The following SENP1 variants were observed in gnomAD, a reference collection of about 807,000 sequenced individuals.
SENP1 encodes the protein sentrin-specific protease 1.
Under a neutral mutation model 93.0 loss-of-function variants are expected in SENP1, and 21 were observed. The ratio of observed to expected loss-of-function variants is 0.23; its 90% CI spans 0.16 to 0.33. The LOEUF is 0.33. SENP1 is among the 10% of genes least tolerant of loss of function. The pLI is 1.00. For missense variants in SENP1, 591 were observed against 758.7 expected, an observed-to-expected ratio of 0.78 and a Z score of 2.60; for synonymous variants, 256 against 259.6, an observed-to-expected ratio of 0.99 and a Z score of 0.13.
At chr12:48,046,942 C>T (rs372156097) in intron 16 of SENP1, 36 bp downstream of exon 16, 6 of 1,423,052 alleles carry the variant, frequency 4.2e-6, no homozygotes, top group South Asian at 2.3e-5. Context: ...AAATACCCTA[C>T]TTTTAGGACT....
chr12:48,049,114 T>G lies in SENP1; in HGVS notation c.1426A>C (p.Asn476His). ...LNDEIINFYM[N>H]MLMERSKEKG... The stretch of plus-strand genomic sequence containing the variant: ...TCTTTACTTCGCTCCATCAGCATAT[T>G]CATGTAGAAATTGATGATCTGTGGG... Residue 476 changes from asparagine to histidine, a missense_variant, in exon 14 of 18, where the codon AAT becomes CAT. Asn to His is a moderately conservative substitution (Grantham distance 68, BLOSUM62 1). Transcript: ENST00000549518. The G allele has an allele frequency of 6.2e-7, 1 of 1,613,436 alleles. No homozygotes were observed. The highest frequency in any genetic ancestry group is 8.5e-7 in the Non-Finnish European group (1 of 1,179,446).
Position 48,044,625 on chromosome 12 carries a change from C to T in SENP1, c.*697G>A, listed in dbSNP as rs10747528. 0.99 allele frequency: 151,394 copies of T among 152,174 alleles called. 75,313 individuals carry two copies. Among genetic ancestry groups the T allele is most frequent in the Middle Eastern group, 1 (294 of 294 alleles). 9.4% of individuals were successfully genotyped at this position (152,174 alleles called of 1,614,324 possible). On this transcript the variant is annotated 3_prime_UTR_variant, in exon 18 of 18. Transcript: ENST00000549518. ...GGTAGCACATGCAAACCCCTGCTTT[C>T]ACGGAAAGGACTGCTTGGAACTTTG...
chr12:48,071,998 G>A (rs954485343), intron 8 of SENP1, among the ~76,000 whole-genome samples: 7 of 152,142 alleles, frequency 4.6e-5, no homozygotes, highest in African/African-American at 1.4e-4. Flanking sequence ...CTTGCTCCCT[G>A]TGCTTCCTGT....
chr12:48,083,451 A>G (rs1345154520), intron 6 of SENP1, 140 bp downstream of exon 6: 2 of 709,740 alleles, frequency 2.8e-6, no homozygotes, highest in Non-Finnish European at 4.8e-6. Flanking sequence ...TAACACTCAA[A>G]AAGAGTAATT....
At chr12:48,071,746 T>G (rs189069675) in intron 8 of SENP1, 25 bp from the exon 9 acceptor site, 14 of 1,528,324 alleles carry the variant, frequency 9.2e-6, no homozygotes, top group African/African-American at 1.4e-5. Context: ...GAGCATTTCA[T>G]TAGTAATAAA....
intron 6 of SENP1, among the ~76,000 whole-genome samples, chr12:48,082,762 A>T (rs1416368274): frequency 6.6e-6 from 1 of 152,196 alleles, no homozygotes; most frequent in Non-Finnish European, 1.5e-5. Flanking sequence ...TCAACAGAAC[A>T]TCTTTCTTTT....
intron 2 of SENP1, among the ~76,000 whole-genome samples, chr12:48,100,221 G>A (rs1233362981): frequency 2.0e-5 from 3 of 152,150 alleles, no homozygotes; most frequent in African/African-American, 7.2e-5. Flanking sequence ...TACTACAAAT[G>A]AAATAGTGAA....
intron 5 of SENP1, chr12:48,084,925 C>A: frequency 3.9e-6 from 2 of 506,918 alleles, no homozygotes; most frequent in Non-Finnish European, 7.0e-6. Flanking sequence ...TGGTCTGAAT[C>A]CAAATCAGAC....
intron 2 of SENP1, among the ~76,000 whole-genome samples, chr12:48,100,594 C>T (rs143173576): frequency 0.059 from 8,935 of 151,528 alleles, 353 homozygotes; most frequent in Non-Finnish European, 0.093. Flanking sequence ...GAGATCATAC[C>T]ACTACACTCC....
chr12:48,091,215 G>T (rs1016680877), intron 4 of SENP1, among the ~76,000 whole-genome samples: 2 of 152,154 alleles, frequency 1.3e-5, no homozygotes, highest in East Asian at 3.9e-4. Flanking sequence ...TTTGGGAGGC[G>T]GAGGCAGGTG....
At chr12:48,070,974 T>TGG (rs1301041915) in intron 9 of SENP1, among the ~76,000 whole-genome samples, 1 of 152,092 alleles carries the variant, frequency 6.6e-6, no homozygotes, top group African/African-American at 2.4e-5. Context: ...CATGCATATG[T>TGG]GGTCCCAGCT....
chr12:48,077,327 CA>C (rs969629684), intron 6 of SENP1, among the ~76,000 whole-genome samples: 4 of 152,050 alleles, frequency 2.6e-5, no homozygotes, highest in Admixed American at 6.5e-5. Flanking sequence ...CGTGCAAATC[CA>C]AAAAAATCAG....
Position 48,045,261 on chromosome 12 carries a change from G to C in SENP1, c.*61C>G. On this transcript the variant is annotated 3_prime_UTR_variant, in exon 18 of 18. Transcript: ENST00000549518. ...GGGAGCAGCTGTTTCCAAGGTCTCT[G>C]GCTGTAGACAACAAAGAGCTGGTCC... 1 of 1,417,370 alleles carries C rather than the reference G, an allele frequency of 7.1e-7. No individual in the cohort carries two copies. The highest frequency in any genetic ancestry group is 1.0e-6 in the Non-Finnish European group (1 of 1,004,378). 87.8% of individuals were successfully genotyped at this position (1,417,370 alleles called of 1,614,324 possible). A position where few individuals can be genotyped will look rare whatever the true frequency, so the allele number is the denominator to read the frequency against.
chr12:48,073,232 T>G lies in SENP1; in HGVS notation c.940+1092A>C, dbSNP rs562320742. Among the ~76,000 whole-genome samples the G allele has an allele frequency of 5.3e-5, 8 of 152,162 alleles. No individual in the cohort carries two copies. In the South Asian group the frequency reaches 1.7e-3, roughly 32 times the overall value. ...GTTTCAACTTAGTTGTATCTAAGTATCTGCAACACAATGTATGTTTCTGAG... is the reference window on the plus strand; with the variant it reads ...GTTTCAACTTAGTTGTATCTAAGTAGCTGCAACACAATGTATGTTTCTGAG... On this transcript the variant is annotated intron_variant, in intron 8 of 17. Coordinates refer to ENST00000549518, the MANE Select transcript of SENP1 (RefSeq NM_001267594.2).
chr12:48,067,265 G>A (rs1402979815), intron 9 of SENP1, among the ~76,000 whole-genome samples: 1 of 152,164 alleles, frequency 6.6e-6, no homozygotes, highest in African/African-American at 2.4e-5. Context: ...CCAACATTAC[G>A]TGAAAGAGGA....
Position 48,098,062 on chromosome 12 carries a change from C to T in SENP1, c.67G>A (p.Val23Ile), listed in dbSNP as rs770912224. 2.9e-5 allele frequency: 47 copies of T among 1,613,372 alleles called. No individual in the cohort carries two copies. The highest frequency in any genetic ancestry group is 5.0e-5 in the Admixed American group (3 of 59,972). The change falls in exon 3 of 18, where the codon GTA becomes ATA. Residue 23 changes from valine to isoleucine, a missense_variant. Coordinates refer to ENST00000549518, the MANE Select transcript of SENP1 (RefSeq NM_001267594.2). Reference sequence around the variant, plus strand: ...TGTGGCAGGAGGTGGGTTTTGAATACGGAGTTGTGGTTCACTAAAGTCACT... The same window carrying T: ...TGTGGCAGGAGGTGGGTTTTGAATATGGAGTTGTGGTTCACTAAAGTCACT... ...GEVTLVNHNS[V>I]FKTHLLPQTG...
intron 15 of SENP1, among the ~76,000 whole-genome samples, chr12:48,047,628 G>A (rs536005784): frequency 1.3e-5 from 2 of 152,312 alleles, no homozygotes; most frequent in South Asian, 2.1e-4. Flanking sequence ...AACAGGTGGA[G>A]CATAAAGAGA....
At chr12:48,095,535 CAAAAAA>C (rs3054235) in intron 4 of SENP1, among the ~76,000 whole-genome samples, 8 of 85,874 alleles carry the variant, frequency 9.3e-5, no homozygotes, top group South Asian at 7.7e-4. Context: ...GACTCTGTGT[CAAAAAA>C]AAAAAAAAAA....
chr12:48,062,297 T>C (rs916557833), intron 13 of SENP1, among the ~76,000 whole-genome samples: 1 of 152,246 alleles, frequency 6.6e-6, no homozygotes, highest in African/African-American at 2.4e-5. Context: ...TATCAGTGGA[T>C]ACTTATAACT....
Sources: gnomAD v4.1 joint callset for allele counts (sites outside exome capture counted in the v4.1 genomes callset) on GRCh38, gnomAD v4.1.1 for gene constraint, MANE v1.5 for transcripts, NCBI Gene and HGNC (gene_info 2026-07-23, HGNC 2026-07-21) for gene names.